ZNF585A: variants seen among roughly 807,000 people sequenced by gnomAD.
The protein encoded by ZNF585A is zinc finger protein 585A.
Under a neutral mutation model 14.9 loss-of-function variants are expected in ZNF585A, and 9 were observed. That is an observed-to-expected ratio of 0.60 (90% CI 0.36 to 1.05). The LOEUF (loss-of-function observed/expected upper bound fraction) is 1.05, where lower values mean the gene tolerates loss of function less well. Among genes scored for constraint, ZNF585A ranks in the 50% least tolerant of loss-of-function variants. The pLI is 0.01. For synonymous variants in ZNF585A, 276 were observed against 319.9 expected (o/e 0.86, Z 1.46); for missense variants, 726 against 926.4 (o/e 0.78, Z 2.81).
intron 2 of ZNF585A, 124 bp from the exon 3 acceptor site, chr19:37,156,479 C>T (rs1021197708): frequency 1.4e-5 from 18 of 1,273,754 alleles, no homozygotes; most frequent in Non-Finnish European, 1.9e-5. Flanking sequence ...AAAACTCACT[C>T]CCATTTCTCT....
At chr19:37,165,684 A>G (rs1972081656) in intron 2 of ZNF585A, 2 of 983,182 alleles carry the variant, frequency 2.0e-6, no homozygotes, top group East Asian at 2.3e-4. Context: ...TCTTTCAGGC[A>G]TCAAGGTTAA....
At chr19:37,170,108 T>C in intron 1 of ZNF585A, 54 bp from the exon 2 acceptor site, 2 of 563,856 alleles carry the variant, frequency 3.5e-6, no homozygotes, top group South Asian at 5.1e-5. Flanking sequence ...ACATAAGCAC[T>C]TCCTGGATAT....
In ZNF585A at chr19:37,170,033, C is replaced by G; in HGVS notation, c.-123G>C. 8.5e-7 allele frequency: 1 copy of G among 1,180,102 alleles called. No individual in the cohort carries two copies. The highest frequency in any genetic ancestry group is 1.2e-6 in the Non-Finnish European group (1 of 841,978). The allele number at this position is 1,180,102 out of a possible 1,614,324, so 73.1% of individuals were successfully genotyped here. A position where few individuals can be genotyped will look rare whatever the true frequency, so the allele number is the denominator to read the frequency against. ...TCTAGAGGAAAATCTGGCCCAGGGGCTCCCCAGAGACACCCAGAAACCTGG... is the reference window on the plus strand; with the variant it reads ...TCTAGAGGAAAATCTGGCCCAGGGGGTCCCCAGAGACACCCAGAAACCTGG... On this transcript the variant is annotated 5_prime_UTR_variant, in exon 2 of 5. Coordinates refer to ENST00000292841, the MANE Select transcript of ZNF585A (RefSeq NM_001288800.2).
chr19:37,157,888 CTTTTTT>C (rs566034676), intron 2 of ZNF585A, among the ~76,000 whole-genome samples: 1 of 125,540 alleles, frequency 8.0e-6, no homozygotes, highest in Non-Finnish European at 1.8e-5. Flanking sequence ...AGGAAAAGTT[CTTTTTT>C]TTTTTTTTTT....
In ZNF585A at chr19:37,150,442, CATCA is replaced by C. The variant is rs1305154335; in HGVS notation, c.*1143_*1146del. 6.6e-6 allele frequency: 1 copy of C among 152,098 alleles called. No homozygotes were observed. Among genetic ancestry groups the C allele is most frequent in the Non-Finnish European group, 1.5e-5 (1 of 68,036 alleles). The allele number at this position is 152,098 out of a possible 1,614,324, so 9.4% of individuals were successfully genotyped here. Reference sequence around the variant, plus strand: ...TATTCTGAGGGTTGTAATAAGTGGTCATCACACAGAATGGAGAGTGGACCTTACT... The same window carrying C: ...TATTCTGAGGGTTGTAATAAGTGGTCCACAGAATGGAGAGTGGACCTTACT... On this transcript the variant is annotated 3_prime_UTR_variant, in exon 5 of 5. Transcript: ENST00000292841.
chr19:37,150,600 G>A lies in ZNF585A; in HGVS notation c.*989C>T, dbSNP rs527930796. On this transcript the variant is annotated 3_prime_UTR_variant, in exon 5 of 5. Coordinates refer to ENST00000292841, the MANE Select transcript of ZNF585A (RefSeq NM_001288800.2). ...GAAGTGTGACACACATAAGAGTAAG[G>A]TAAAACAGGAAAAATGGCCAGGCGT... 1.1e-4 allele frequency: 17 copies of A among 152,156 alleles called. No individual in the cohort carries two copies. The highest frequency in any genetic ancestry group is 1.9e-4 in the Non-Finnish European group (13 of 68,028). The allele number at this position is 152,156 out of a possible 1,614,324, so 9.4% of individuals were successfully genotyped here.
Position 37,151,127 on chromosome 19 carries a change from G to A in ZNF585A, c.*462C>T. 2.6e-6 allele frequency: 1 copy of A among 382,518 alleles called. No homozygotes were observed. The allele number at this position is 382,518 out of a possible 1,614,324, so 23.7% of individuals were successfully genotyped here. On this transcript the variant is annotated 3_prime_UTR_variant, in exon 5 of 5. Transcript: ENST00000292841. ...GAATGAGAAAGAAAAACACCCAGGA[G>A]TCTGTTACACAATGTGTTCCACAAC...
At position 37,151,721 on chromosome 19, in the gene ZNF585A, G is replaced by C. The variant is rs920375551; in HGVS notation, c.2178C>G (p.Ala726=). The change falls in exon 5 of 5, where the codon GCC becomes GCG. Residue 726 remains alanine, a synonymous_variant. Coordinates refer to ENST00000292841, the MANE Select transcript of ZNF585A (RefSeq NM_001288800.2). Reference sequence around the variant, plus strand: ...TATTCAAATTGGACCTGTCAGTAAAGGCCTTCCCACACTCAGCACACACGT... The same window carrying C: ...TATTCAAATTGGACCTGTCAGTAAACGCCTTCCCACACTCAGCACACACGT... The part of the protein sequence containing the change: ...KPYVCAECGK[A]FTDRSNLNKH... The C allele has an allele frequency of 2.5e-6, 4 of 1,614,036 alleles. No homozygotes were observed. In the African/African-American group the frequency reaches 5.3e-5, roughly 22 times the overall value.
At position 37,153,307 on chromosome 19, in the gene ZNF585A, C is replaced by G. The variant is rs749735548; in HGVS notation, c.592G>C (p.Val198Leu). ...CTCTGATGCCTGAAGAGGGACGACA[C>G]TTGAAAAAAGGATTTTCCACATTCA... The part of the protein sequence containing the change: ...CNECGKSFFQ[V>L]SSLFRHQRIH... The change falls in exon 5 of 5, where the codon GTG (valine) becomes CTG (leucine). Residue 198 changes from valine to leucine, a missense_variant. By Grantham distance (32) the Val-to-Leu change is conservative (BLOSUM62 1). This residue lies in a region of ZNF585A where 483 missense variants were observed against 542.8 expected (regional missense o/e 0.89). Coordinates refer to ENST00000292841, the MANE Select transcript of ZNF585A (RefSeq NM_001288800.2). The G allele has an allele frequency of 6.2e-7, 1 of 1,614,082 alleles. No homozygotes were observed. The highest frequency in any genetic ancestry group is 8.5e-7 in the Non-Finnish European group (1 of 1,180,004).
At position 37,149,996 on chromosome 19, in the gene ZNF585A, G is replaced by A. The variant is rs187783348; in HGVS notation, c.*1593C>T. ...GCAGACATTGGGTTAACGGGACAAT[G>A]GGGAGCCAAGAGATACCATCAAAAT... On this transcript the variant is annotated 3_prime_UTR_variant, in exon 5 of 5. Transcript: ENST00000292841. 6.6e-6 allele frequency: 1 copy of A among 152,218 alleles called. No homozygotes were observed. Among genetic ancestry groups the A allele is most frequent in the African/African-American group, 2.4e-5 (1 of 41,518 alleles). 9.4% of individuals were successfully genotyped at this position (152,218 alleles called of 1,614,324 possible).
rs763458333 is a variant in ZNF585A at position 37,155,920 on chromosome 19, C to T, written c.237G>A (p.Glu79=). Residue 79 remains glutamate (E), a synonymous_variant, in exon 4 of 5, where the codon GAG becomes GAA. Coordinates refer to ENST00000292841, the MANE Select transcript of ZNF585A (RefSeq NM_001288800.2). ...QVPEAEVVML[E]QGKEPWALQG... ...GCAGTGCCCATGGTTCCTTTCCTTG[C>T]TCCAACATGACCACCTCTGCTTCAG... is the stretch of plus-strand genomic sequence containing the variant. 11 of 1,612,746 alleles carry T rather than the reference C, an allele frequency of 6.8e-6. No individual in the cohort carries two copies. In the East Asian group the frequency reaches 1.1e-4, roughly 16 times the overall value.
intron 2 of ZNF585A, among the ~76,000 whole-genome samples, chr19:37,158,098 GGATGGTCTCGATCTCCT>G (rs1971959571): frequency 6.6e-6 from 1 of 152,050 alleles, no homozygotes; most frequent in African/African-American, 2.4e-5. Context: ...ATGCTGGCCA[GGATGGTCTCGATCTCCT>G]GACCTCACGA....
In ZNF585A at chr19:37,148,706, A is replaced by G. The variant is rs1971777179; in HGVS notation, c.*2883T>C. On this transcript the variant is annotated 3_prime_UTR_variant, in exon 5 of 5. Coordinates refer to ENST00000292841, the MANE Select transcript of ZNF585A (RefSeq NM_001288800.2). ...ATATTTCAGTTATGTCCACACAAAA[A>G]GCCTGCACAGATATTTATAACAGCT... 1 of 152,230 alleles carries G rather than the reference A, an allele frequency of 6.6e-6. No homozygotes were observed. The highest frequency in any genetic ancestry group is 2.1e-4 in the South Asian group (1 of 4,828). The allele number at this position is 152,230 out of a possible 1,614,324, so 9.4% of individuals were successfully genotyped here. A position where few individuals can be genotyped will look rare whatever the true frequency, so the allele number is the denominator to read the frequency against.
chr19:37,155,107 T>G (rs1971904847), intron 4 of ZNF585A, among the ~76,000 whole-genome samples: 1 of 151,050 alleles, frequency 6.6e-6, no homozygotes, highest in Non-Finnish European at 1.5e-5. Flanking sequence ...TTCATGCCAT[T>G]CTCCTGCCTC....
At chr19:37,155,019 G>C (rs1320178654) in intron 4 of ZNF585A, among the ~76,000 whole-genome samples, 36 of 48,616 alleles carry the variant, frequency 7.4e-4, no homozygotes, top group Admixed American at 1.7e-3. Flanking sequence ...TTTTTTTTTT[G>C]AGACGGAGTC....
intron 2 of ZNF585A, among the ~76,000 whole-genome samples, chr19:37,164,074 A>C (rs1533736): frequency 6.6e-6 from 1 of 152,162 alleles, no homozygotes; most frequent in Non-Finnish European, 1.5e-5. Flanking sequence ...CGGATGCCGT[A>C]TTTACTATCT....
intron 3 of ZNF585A, 84 bp from the exon 4 acceptor site, chr19:37,156,041 A>AT (rs1250422336): frequency 4.4e-6 from 7 of 1,592,000 alleles, no homozygotes; most frequent in South Asian, 2.3e-5. Context: ...TTTGATGAGG[A>AT]TTTTTTCTTC....
chr19:37,153,499 T>C lies in ZNF585A; in HGVS notation c.400A>G (p.Lys134Glu), dbSNP rs1195992952. ...YPGEKAYECA[K>E]FEKIFTQKSQ... ...TTCTGGGTGAATATCTTTTCAAATT[T>C]GGCGCATTCATAAGCTTTCTCCCCA... is the stretch of plus-strand genomic sequence containing the variant. The change falls in exon 5 of 5, where the codon AAA (lysine) becomes GAA (glutamate). Residue 134 changes from lysine (K) to glutamate (E), a missense_variant. By Grantham distance (56) the Lys-to-Glu change is moderately conservative. Around this residue, in one of 2 missense-constraint regions of ZNF585A, gnomAD observed 483 missense variants for 542.8 expected, o/e 0.89. Coordinates refer to ENST00000292841, the MANE Select transcript of ZNF585A (RefSeq NM_001288800.2). The C allele has an allele frequency of 6.8e-6, 11 of 1,614,056 alleles. No individual in the cohort carries two copies. Among genetic ancestry groups the C allele is most frequent in the East Asian group, 2.2e-5 (1 of 44,890 alleles).
intron 4 of ZNF585A, among the ~76,000 whole-genome samples, chr19:37,154,004 G>T (rs556456154): frequency 2.6e-4 from 40 of 152,204 alleles, no homozygotes; most frequent in African/African-American, 9.6e-4. Flanking sequence ...GAGATTCCGT[G>T]CTATAAGGTC....
Sources: gnomAD v4.1 joint callset for allele counts (sites outside exome capture counted in the v4.1 genomes callset) on GRCh38, gnomAD v4.1.1 for gene constraint, gnomAD v4.1.1 regional missense constraint, MANE v1.5 for transcripts, NCBI Gene and HGNC (gene_info 2026-07-23, HGNC 2026-07-21) for gene names.